Variants in COTL1 observed in about 807,000 individuals in gnomAD.
The protein encoded by COTL1 is coactosin-like protein.
A neutral mutation model predicts 16.5 loss-of-function variants in COTL1; 15 were observed. The observed-to-expected ratio is 0.91, with a 90% CI of 0.61 to 1.40. The LOEUF (loss-of-function observed/expected upper bound fraction) is 1.40. COTL1 is among the 40% of genes most tolerant of loss of function. The pLI is 0.00. For missense variants in COTL1, 220 were observed against 201.5 expected, an observed-to-expected ratio of 1.09 and a Z score of -0.56; for synonymous variants, 112 against 85.3, an observed-to-expected ratio of 1.31 and a Z score of -1.73.
chr16:84,570,180 G>C (rs983142272), intron 3 of COTL1, among the ~76,000 whole-genome samples: 3 of 152,220 alleles, frequency 2.0e-5, no homozygotes, highest in African/African-American at 7.2e-5. Context: ...GGAGGCTAAG[G>C]CAGGAGAATG....
intron 2 of COTL1, among the ~76,000 whole-genome samples, chr16:84,604,769 A>T (rs1236968252): frequency 1.3e-5 from 2 of 152,172 alleles, no homozygotes; most frequent in Non-Finnish European, 2.9e-5. Context: ...GGCTCTTTGC[A>T]TCTCAAGCCA....
intron 2 of COTL1, among the ~76,000 whole-genome samples, chr16:84,612,368 G>C (rs935733823): frequency 3.3e-5 from 5 of 152,184 alleles, no homozygotes; most frequent in African/African-American, 1.2e-4. Context: ...TGTCCACATG[G>C]GGCCAAATGC....
intron 2 of COTL1, among the ~76,000 whole-genome samples, chr16:84,592,018 A>T (rs1359337483): frequency 1.3e-5 from 2 of 152,224 alleles, no homozygotes; most frequent in Non-Finnish European, 2.9e-5. Flanking sequence ...TCTCTCTGGT[A>T]GGAACCATCC....
intron 2 of COTL1, among the ~76,000 whole-genome samples, chr16:84,599,171 C>T (rs1335003979): frequency 1.3e-5 from 2 of 151,208 alleles, no homozygotes. Flanking sequence ...GTGTTCTCAC[C>T]AGGGCGGCCC....
rs573530665 is a variant in COTL1, at chr16:84,617,929, A to G, written c.-15T>C. The G allele has an allele frequency of 1.3e-6, 2 of 1,545,258 alleles. No individual in the cohort carries two copies. Among genetic ancestry groups the G allele is most frequent in the Admixed American group, 3.9e-5 (2 of 50,824 alleles). ...TTGGTGGCCATCGCCGCGGAGCCGC[A>G]GCGGGACACTGTCCGGGGCGGCCGA... is the stretch of plus-strand genomic sequence containing the variant. On this transcript the variant is annotated 5_prime_UTR_variant, in exon 1 of 4. Transcript: ENST00000262428.
At chr16:84,611,780 C>A (rs1181989604) in intron 2 of COTL1, among the ~76,000 whole-genome samples, 1 of 152,186 alleles carries the variant, frequency 6.6e-6, no homozygotes, top group East Asian at 1.9e-4. Flanking sequence ...TATGAGTATG[C>A]CACAGAGAAT....
intron 3 of COTL1, among the ~76,000 whole-genome samples, chr16:84,587,106 G>A (rs576820426): frequency 1.3e-5 from 2 of 152,206 alleles, no homozygotes; most frequent in South Asian, 2.1e-4. Flanking sequence ...GCTGCCACTC[G>A]GAAGACCCCT....
chr16:84,600,886 C>G (rs2914844), intron 2 of COTL1, among the ~76,000 whole-genome samples: 16,497 of 152,162 alleles, frequency 0.11, 1,085 homozygotes, highest in East Asian at 0.22. Context: ...TCTGGATACC[C>G]AAATTAAACC....
intron 3 of COTL1, among the ~76,000 whole-genome samples, chr16:84,585,583 G>T (rs1904700927): frequency 6.6e-6 from 1 of 152,128 alleles, no homozygotes; most frequent in East Asian, 1.9e-4. Context: ...GAAGTGACCT[G>T]GTCCCCAAGA....
intron 3 of COTL1, among the ~76,000 whole-genome samples, chr16:84,573,750 A>AT (rs1326948191): frequency 0.015 from 1,542 of 101,254 alleles, 9 homozygotes; most frequent in Middle Eastern, 0.024. Flanking sequence ...CAAAAAAAAA[A>AT]AAATATATAT....
intron 3 of COTL1, chr16:84,569,045 G>C (rs1049770065): frequency 5.3e-5 from 8 of 152,332 alleles, no homozygotes; most frequent in Admixed American, 2.0e-4. Flanking sequence ...GTTCAGGCCA[G>C]GTGCGGTGGC....
At position 84,566,732 on chromosome 16, in the gene COTL1, A is replaced by T. The variant is rs1405973939; in HGVS notation, c.*113T>A. 16 of 697,020 alleles carry T rather than the reference A, an allele frequency of 2.3e-5. No individual in the cohort carries two copies. The South Asian group carries it at 2.8e-4, about 12-fold the overall frequency. 43.2% of individuals were successfully genotyped at this position (697,020 alleles called of 1,614,324 possible). ...CACAGGGTGGCGGGCGCTGCCTCTC[A>T]TGGCTTCTTTTCTCCCTGGTGGGCT... On this transcript the variant is annotated 3_prime_UTR_variant, in exon 4 of 4. Coordinates refer to ENST00000262428, the MANE Select transcript of COTL1 (RefSeq NM_021149.5).
At chr16:84,592,537 C>G (rs1904895033) in intron 2 of COTL1, among the ~76,000 whole-genome samples, 1 of 150,704 alleles carries the variant, frequency 6.6e-6, no homozygotes, top group South Asian at 2.1e-4. Context: ...GCTCTGGGGT[C>G]TACGCTTCTA....
At chr16:84,581,677 G>C (rs1281205215) in intron 3 of COTL1, among the ~76,000 whole-genome samples, 1 of 151,946 alleles carries the variant, frequency 6.6e-6, no homozygotes, top group African/African-American at 2.4e-5. Flanking sequence ...CCTAATTTTT[G>C]TATTTTTAGT....
intron 2 of COTL1, among the ~76,000 whole-genome samples, chr16:84,604,550 G>C (rs1322922135): frequency 6.6e-6 from 1 of 152,060 alleles, no homozygotes; most frequent in East Asian, 1.9e-4. Context: ...CAGACCGTGA[G>C]TGCTCAGTTT....
At chr16:84,598,661 C>G (rs1047955297) in intron 2 of COTL1, among the ~76,000 whole-genome samples, 2 of 151,040 alleles carry the variant, frequency 1.3e-5, no homozygotes, top group African/African-American at 4.9e-5. Flanking sequence ...CCCCCAACCC[C>G]CCCCACCAAC....
rs188075704 is a variant in COTL1 at position 84,569,086 on chromosome 16, C to T, written c.319-2131G>A. On this transcript the variant is annotated intron_variant, in intron 3 of 3. Transcript: ENST00000262428. ...CCCGTCATCCCAGCACTTTGGAGGC[C>T]GAGGCAGGCAGATCACCTGAGGTCA... 4.4e-3 allele frequency: 664 copies of T among 152,488 alleles called. 8 individuals are homozygous for T. Among genetic ancestry groups the T allele is most frequent in the Non-Finnish European group, 6.7e-3 (457 of 68,166 alleles). The allele number at this position is 152,488 out of a possible 1,614,324, so 9.4% of individuals were successfully genotyped here. A position where few individuals can be genotyped will look rare whatever the true frequency, so the allele number is the denominator to read the frequency against.
At chr16:84,587,849 G>A (rs1346840981) in intron 3 of COTL1, among the ~76,000 whole-genome samples, 1 of 151,726 alleles carries the variant, frequency 6.6e-6, no homozygotes, top group Non-Finnish European at 1.5e-5. Context: ...TTGGCTCACT[G>A]CAACTTCCGC....
At chr16:84,573,752 A>AT (rs1244547102) in intron 3 of COTL1, among the ~76,000 whole-genome samples, 1,527 of 148,330 alleles carry the variant, frequency 0.01, 22 homozygotes, top group African/African-American at 0.034. Context: ...AAAAAAAAAA[A>AT]ATATATATAT....
Sources: allele counts gnomAD v4.1 joint callset (sites outside exome capture counted in the v4.1 genomes callset), GRCh38; gene constraint gnomAD v4.1.1; transcripts MANE v1.5; gene names NCBI Gene and HGNC (gene_info 2026-07-23, HGNC 2026-07-21).